ITPR2: variants seen among roughly 807,000 people sequenced by gnomAD.
ITPR2 encodes inositol 1,4,5-trisphosphate receptor type 2, also known as inositol 1,4,5-trisphosphate-gated calcium channel ITPR2.
In ITPR2, 207 loss-of-function variants were observed where a neutral mutation model predicts 317.1. The observed-to-expected ratio is 0.65, with a 90% CI of 0.58 to 0.73. ITPR2 has a LOEUF of 0.73. ITPR2 is among the 30% of genes least tolerant of loss of function. The probability of loss-of-function intolerance (pLI) is 0.00; values close to 1 mark genes in which losing one functional copy is unlikely to be tolerated. For synonymous variants in ITPR2, 1,156 were observed against 1,149.1 expected, an observed-to-expected ratio of 1.01 and a Z score of -0.12; for missense variants, 2,613 against 3,284.0, an observed-to-expected ratio of 0.80 and a Z score of 4.99.
At chr12:26,494,887 A>G (rs1942898204) in intron 38 of ITPR2, among the ~76,000 whole-genome samples, 1 of 152,146 alleles carries the variant, frequency 6.6e-6, no homozygotes, top group South Asian at 2.1e-4. Flanking sequence ...AAAAACAGAA[A>G]GAGAAAACTA....
intron 9 of ITPR2, among the ~76,000 whole-genome samples, chr12:26,699,963 C>T (rs540237364): frequency 7.2e-5 from 11 of 152,164 alleles, no homozygotes; most frequent in Non-Finnish European, 1.0e-4. Flanking sequence ...ATATGCCATT[C>T]AATCATTTAT....
At chr12:26,497,626 T>C (rs1221766680) in intron 37 of ITPR2, among the ~76,000 whole-genome samples, 1 of 152,160 alleles carries the variant, frequency 6.6e-6, no homozygotes, top group Non-Finnish European at 1.5e-5. Flanking sequence ...GCCTGTCTAC[T>C]AACTTATGTG....
chr12:26,436,079 G>A (rs1213337732), intron 48 of ITPR2, 142 bp downstream of exon 48: 3 of 731,112 alleles, frequency 4.1e-6, no homozygotes, highest in Non-Finnish European at 6.1e-6. Flanking sequence ...TTTTCTGCCT[G>A]TTCTATTTAC....
At chr12:26,354,465 G>A (rs1938571953) in intron 55 of ITPR2, among the ~76,000 whole-genome samples, 1 of 152,094 alleles carries the variant, frequency 6.6e-6, no homozygotes, top group Non-Finnish European at 1.5e-5. Context: ...TCCACCACAT[G>A]GTCATAGTCA....
rs1460160384 is a variant in ITPR2 at position 26,441,825 on chromosome 12, C to G, written c.6450+1718G>C. Among the ~76,000 whole-genome samples, 5 of 152,176 alleles carry G rather than the reference C, an allele frequency of 3.3e-5. No individual in the cohort carries two copies. The East Asian group carries it at 9.7e-4, about 29-fold the overall frequency. The stretch of plus-strand genomic sequence containing the variant: ...CTGCTCATTTATTCAAACCAGTAGC[C>G]CAGAGGACATCCTTTTCCACACCAT... On this transcript the variant is annotated intron_variant, in intron 46 of 56. Transcript: ENST00000381340.
At chr12:26,731,932 A>G (rs551619608) in intron 2 of ITPR2, among the ~76,000 whole-genome samples, 107 of 152,084 alleles carry the variant, frequency 7.0e-4, no homozygotes, top group African/African-American at 2.4e-3. Flanking sequence ...ATGCATCCTG[A>G]AATACAGTGT....
chr12:26,771,032 C>T (rs987060784), intron 2 of ITPR2, among the ~76,000 whole-genome samples: 4 of 152,090 alleles, frequency 2.6e-5, no homozygotes, highest in South Asian at 2.1e-4. Context: ...GCCTTCTATT[C>T]GTATGTCTTG....
chr12:26,724,400 T>C (rs751059374), intron 4 of ITPR2, among the ~76,000 whole-genome samples: 3 of 152,204 alleles, frequency 2.0e-5, no homozygotes, highest in South Asian at 4.1e-4. Flanking sequence ...CCTGACCCTC[T>C]TCTTTTTGAT....
At chr12:26,401,784 T>C (rs531503244) in intron 52 of ITPR2, among the ~76,000 whole-genome samples, 7 of 152,368 alleles carry the variant, frequency 4.6e-5, no homozygotes, top group African/African-American at 1.4e-4. Context: ...AATTTTCCTC[T>C]TCTGAGCCGA....
At chr12:26,629,977 C>T (rs1331026098) in intron 22 of ITPR2, among the ~76,000 whole-genome samples, 4 of 152,072 alleles carry the variant, frequency 2.6e-5, no homozygotes, top group East Asian at 1.9e-4. Flanking sequence ...CTCTTAAGAA[C>T]GTGTGGTGAG....
Position 26,532,090 on chromosome 12 carries a change from C to T in ITPR2, c.5073+18157G>A, listed in dbSNP as rs1943960773. Among the ~76,000 whole-genome samples the T allele has an allele frequency of 2.0e-5, 3 of 152,282 alleles. No individual in the cohort carries two copies. The South Asian group carries it at 6.2e-4, about 32-fold the overall frequency. On this transcript the variant is annotated intron_variant, in intron 37 of 56. Coordinates refer to ENST00000381340, the MANE Select transcript of ITPR2 (RefSeq NM_002223.4). ...ACAAAAGTAATACTATGACATGAGT[C>T]ATTTTCTTCCTTAAAATCATGACAA... is the stretch of plus-strand genomic sequence containing the variant.
chr12:26,818,154 T>C (rs768283062), intron 1 of ITPR2, among the ~76,000 whole-genome samples: 4 of 152,146 alleles, frequency 2.6e-5, no homozygotes, highest in African/African-American at 4.8e-5. Context: ...TAACTTCCAT[T>C]TTGAAAAAAA....
At chr12:26,722,275 A>G (rs1794338138) in intron 5 of ITPR2, 122 bp downstream of exon 5, 1 of 793,358 alleles carries the variant, frequency 1.3e-6, no homozygotes, top group East Asian at 2.7e-5. Flanking sequence ...AGATACTAAC[A>G]TAAAAATCAG....
At chr12:26,556,576 G>T (rs1237812195) in intron 35 of ITPR2, among the ~76,000 whole-genome samples, 30 of 149,796 alleles carry the variant, frequency 2.0e-4, no homozygotes, top group African/African-American at 6.2e-4. Flanking sequence ...TTGTGTGTGT[G>T]TGTGTGTGTG....
At chr12:26,567,244 C>T (rs1281914207) in intron 34 of ITPR2, among the ~76,000 whole-genome samples, 1 of 152,128 alleles carries the variant, frequency 6.6e-6, no homozygotes, top group African/African-American at 2.4e-5. Flanking sequence ...AGTTCAATGG[C>T]AGCACCTCTG....
chr12:26,518,989 A>C (rs185133650), intron 37 of ITPR2, among the ~76,000 whole-genome samples: 103 of 152,268 alleles, frequency 6.8e-4, no homozygotes, highest in African/African-American at 2.2e-3. Context: ...AATTGAACCC[A>C]AAAGAGACAG....
chr12:26,350,471 C>T (rs1295774435), intron 55 of ITPR2, among the ~76,000 whole-genome samples: 1 of 152,194 alleles, frequency 6.6e-6, no homozygotes, highest in Non-Finnish European at 1.5e-5. Context: ...CAGATGGTGG[C>T]TCTTAATTGC....
chr12:26,491,375 C>T (rs138755002), intron 39 of ITPR2, among the ~76,000 whole-genome samples: 4,548 of 146,278 alleles, frequency 0.031, 155 homozygotes, highest in African/African-American at 0.081. Flanking sequence ...CCCAGCTACT[C>T]GGGAGGCTGA....
rs777575104 is a variant in ITPR2 at position 26,483,693 on chromosome 12, G to A, written c.6012+5C>T. 13 of 1,609,866 alleles carry A rather than the reference G, an allele frequency of 8.1e-6. No homozygotes were observed. The highest frequency in any genetic ancestry group is 1.7e-6 in the Non-Finnish European group (2 of 1,176,134). ...TACTAATTAGTCATGGATACTTCTG[G>A]TTACCTGATTTTCATGGCAAGGGCC... On this transcript the variant is annotated splice_donor_5th_base_variant and intron_variant, in intron 42 of 56. Transcript: ENST00000381340.
Sources: allele counts gnomAD v4.1 joint callset (sites outside exome capture counted in the v4.1 genomes callset), GRCh38; gene constraint gnomAD v4.1.1; transcripts MANE v1.5; gene names NCBI Gene and HGNC (gene_info 2026-07-23, HGNC 2026-07-21).